C16orf74: variants seen among roughly 807,000 people sequenced by gnomAD.
C16orf74 encodes the protein calcimembrin.
Under a neutral mutation model 6.5 loss-of-function variants are expected in C16orf74, and 10 were observed. The ratio of observed to expected loss-of-function variants is 1.54; its 90% CI spans 0.95 to 2.61. C16orf74 has a LOEUF of 2.61. C16orf74 is among the 30% of genes most tolerant of loss of function. The pLI, the probability that C16orf74 is intolerant of heterozygous loss-of-function variation, is 0.00. For synonymous variants in C16orf74, 60 were observed against 42.5 expected, an observed-to-expected ratio of 1.41 and a Z score of -1.60; for missense variants, 141 against 105.9, an observed-to-expected ratio of 1.33 and a Z score of -1.45.
At chr16:85,713,811 G>A (rs572677698) in intron 2 of C16orf74, among the ~76,000 whole-genome samples, 4 of 152,272 alleles carry the variant, frequency 2.6e-5, no homozygotes, top group Non-Finnish European at 2.9e-5. Context: ...GTGCTGTCAC[G>A]CACCATCGTC....
At chr16:85,740,226 A>G (rs990452350) in intron 1 of C16orf74, among the ~76,000 whole-genome samples, 7 of 147,040 alleles carry the variant, frequency 4.8e-5, no homozygotes, top group East Asian at 2.0e-4. Context: ...AAAAAAAAAA[A>G]AAAAGAAAAA....
At chr16:85,744,934 G>C (rs1423501739) in intron 1 of C16orf74, among the ~76,000 whole-genome samples, 1 of 151,552 alleles carries the variant, frequency 6.6e-6, no homozygotes, top group African/African-American at 2.4e-5. Context: ...CTGAGGTTGG[G>C]AGTTCAAGAC....
chr16:85,734,423 G>A (rs1346079425), intron 2 of C16orf74, among the ~76,000 whole-genome samples: 2 of 152,296 alleles, frequency 1.3e-5, no homozygotes, highest in African/African-American at 2.4e-5. Flanking sequence ...GTGGGTAGGT[G>A]GCCTCTGCCT....
chr16:85,719,759 C>G (rs527318520), intron 2 of C16orf74, among the ~76,000 whole-genome samples: 1 of 152,060 alleles, frequency 6.6e-6, no homozygotes, highest in South Asian at 2.1e-4. Context: ...ACCCACAGCA[C>G]ACACAAAGGC....
rs2054344886 is a variant in C16orf74 at position 85,744,245 on chromosome 16, AAAG to A, written c.-19+6678_-19+6680del. 4.1e-5 allele frequency: 6 copies of A among 147,644 alleles called. No homozygotes were observed. The South Asian group carries it at 6.4e-4, about 16-fold the overall frequency. The allele number at this position is 147,644 out of a possible 1,614,324, so 9.1% of individuals were successfully genotyped here. ...CGTCTCAAAAAAAAAAAAAAAAAAAAAAGAAAAGAAAAGAAAAAGAAAATAAAA... is the reference window on the plus strand; with the variant it reads ...CGTCTCAAAAAAAAAAAAAAAAAAAAAAAAGAAAAGAAAAAGAAAATAAAA... On this transcript the variant is annotated intron_variant, in intron 1 of 3. Transcript: ENST00000284245.
intron 2 of C16orf74, among the ~76,000 whole-genome samples, chr16:85,717,031 G>C (rs1371024371): frequency 6.6e-6 from 1 of 152,202 alleles, no homozygotes; most frequent in Non-Finnish European, 1.5e-5. Flanking sequence ...GATGGAGCCT[G>C]TGCAGGAAGA....
At chr16:85,710,412 G>A (rs937695585) in intron 2 of C16orf74, 105 bp from the exon 3 acceptor site, 9 of 1,113,974 alleles carry the variant, frequency 8.1e-6, no homozygotes, top group Non-Finnish European at 1.1e-5. Flanking sequence ...ACTATCACCT[G>A]GGTCCTGACG....
chr16:85,711,315 T>TA (rs34082214), intron 2 of C16orf74, among the ~76,000 whole-genome samples: 83,564 of 123,880 alleles, frequency 0.67, 27,833 homozygotes, highest in East Asian at 0.84. Flanking sequence ...GACTCCATCT[T>TA]AAAAAAAAAA....
intron 1 of C16orf74, among the ~76,000 whole-genome samples, chr16:85,738,213 C>G (rs1460851924): frequency 1.3e-5 from 2 of 151,982 alleles, no homozygotes; most frequent in Non-Finnish European, 1.5e-5. Flanking sequence ...CCACTTCACG[C>G]CAGCCTGGGT....
chr16:85,711,020 A>G (rs1308865878), intron 2 of C16orf74, among the ~76,000 whole-genome samples: 1 of 152,152 alleles, frequency 6.6e-6, no homozygotes, highest in Non-Finnish European at 1.5e-5. Flanking sequence ...AGTGCTTTAA[A>G]TTTCAAATGC....
chr16:85,742,743 G>A (rs1322192124), intron 1 of C16orf74, among the ~76,000 whole-genome samples: 1 of 152,126 alleles, frequency 6.6e-6, no homozygotes, highest in Non-Finnish European at 1.5e-5. Flanking sequence ...GTTTTTCCAT[G>A]TTAATCAGGC....
intron 2 of C16orf74, among the ~76,000 whole-genome samples, chr16:85,718,549 C>G (rs1172510015): frequency 6.6e-6 from 1 of 152,216 alleles, no homozygotes; most frequent in Non-Finnish European, 1.5e-5. Flanking sequence ...GGCAGTGGCT[C>G]CCCCTCTTTG....
At chr16:85,732,559 A>G (rs28611181) in intron 2 of C16orf74, among the ~76,000 whole-genome samples, 3,104 of 147,172 alleles carry the variant, frequency 0.021, 98 homozygotes, top group African/African-American at 0.073. Flanking sequence ...CCAGCTACTC[A>G]GGAGGCTGAG....
intron 2 of C16orf74, among the ~76,000 whole-genome samples, chr16:85,732,602 G>T (rs1024197781): frequency 2.8e-5 from 4 of 141,710 alleles, no homozygotes; most frequent in Admixed American, 1.6e-4. Flanking sequence ...GGAGGCGGGG[G>T]TTGCAGTGAG....
intron 1 of C16orf74, among the ~76,000 whole-genome samples, chr16:85,744,612 C>T (rs367631523): frequency 2.9e-4 from 44 of 152,062 alleles, no homozygotes; most frequent in Non-Finnish European, 5.3e-4. Flanking sequence ...GGGCGGATCA[C>T]GAGGTCAGGA....
At chr16:85,733,885 G>C (rs380869) in intron 2 of C16orf74, among the ~76,000 whole-genome samples, 150,987 of 152,288 alleles carry the variant, frequency 0.99, 74,865 homozygotes, top group Middle Eastern at 1. Context: ...CGCAAGCGGT[G>C]TTGGAGGAGC....
intron 2 of C16orf74, among the ~76,000 whole-genome samples, chr16:85,726,360 C>G (rs1022512748): frequency 3.9e-5 from 6 of 152,216 alleles, no homozygotes; most frequent in African/African-American, 1.4e-4. Context: ...GGGACACACT[C>G]TCCTCTGGGC....
chr16:85,728,690 GGGTGCCATCTTT>G (rs1335349135), intron 2 of C16orf74, among the ~76,000 whole-genome samples: 1 of 152,198 alleles, frequency 6.6e-6, no homozygotes, highest in Non-Finnish European at 1.5e-5. Context: ...ACGGCTCCTT[GGGTGCCATCTTT>G]AGTGCCTATC....
At chr16:85,724,778 C>T (rs77872520) in intron 2 of C16orf74, among the ~76,000 whole-genome samples, 6,428 of 152,278 alleles carry the variant, frequency 0.042, 180 homozygotes, top group Non-Finnish European at 0.066. Flanking sequence ...ATTCATTCTG[C>T]AAACATTTGT....
Sources: gnomAD v4.1 joint callset for allele counts (sites outside exome capture counted in the v4.1 genomes callset) on GRCh38, gnomAD v4.1.1 for gene constraint, MANE v1.5 for transcripts, NCBI Gene and HGNC (gene_info 2026-07-23, HGNC 2026-07-21) for gene names.